STPG2: variants seen among roughly 807,000 people sequenced by gnomAD.
STPG2 encodes the protein sperm-tail PG-rich repeat-containing protein 2.
Under a neutral mutation model 54.2 loss-of-function variants are expected in STPG2, and 56 were observed. The observed-to-expected ratio is 1.03, with a 90% CI of 0.83 to 1.29. The LOEUF is 1.29. STPG2 is among the 50% of genes most tolerant of loss of function. STPG2 has a pLI of 0.00. For synonymous variants in STPG2, 200 were observed against 181.8 expected (o/e 1.10, Z -0.81); for missense variants, 596 against 544.9 (o/e 1.09, Z -0.93).
intron 10 of STPG2, among the ~76,000 whole-genome samples, chr4:97,576,110 G>C (rs1324014636): frequency 6.6e-6 from 1 of 151,988 alleles, no homozygotes; most frequent in Admixed American, 6.6e-5. Flanking sequence ...AGTAATCATA[G>C]ATGATATAAA....
At chr4:98,091,713 AC>A (rs1423131488) in intron 5 of STPG2, among the ~76,000 whole-genome samples, 12 of 47,800 alleles carry the variant, frequency 2.5e-4, no homozygotes, top group South Asian at 1.5e-3. Flanking sequence ...AGTAATAATA[AC>A]TATCATTTAC....
chr4:97,848,897 C>T (rs1028340072), intron 8 of STPG2, among the ~76,000 whole-genome samples: 3 of 150,552 alleles, frequency 2.0e-5, no homozygotes, highest in African/African-American at 7.4e-5. Flanking sequence ...GTTTTGGTTA[C>T]TGTAGCCTTG....
At chr4:97,622,840 G>A (rs1269372736) in intron 10 of STPG2, among the ~76,000 whole-genome samples, 1 of 151,988 alleles carries the variant, frequency 6.6e-6, no homozygotes, top group Non-Finnish European at 1.5e-5. Context: ...AATAAACCTG[G>A]TGGCATCACA....
intron 10 of STPG2, among the ~76,000 whole-genome samples, chr4:97,649,443 TAGTCTTG>T (rs1213050797): frequency 3.9e-5 from 6 of 152,086 alleles, no homozygotes; most frequent in Non-Finnish European, 7.4e-5. Flanking sequence ...GGCAAAAAAA[TAGTCTTG>T]AAGATTTTTT....
At chr4:97,952,797 G>A (rs1427460700) in intron 7 of STPG2, among the ~76,000 whole-genome samples, 1 of 152,182 alleles carries the variant, frequency 6.6e-6, no homozygotes, top group Admixed American at 6.5e-5. Flanking sequence ...AGGACCTCTG[G>A]TTAGCCAGGT....
At chr4:97,492,717 A>T (rs1011829217) in intron 4 of STPG2, among the ~76,000 whole-genome samples, 10 of 151,200 alleles carry the variant, frequency 6.6e-5, no homozygotes, top group African/African-American at 1.9e-4. Context: ...TATTTCCACC[A>T]GAAGAAGAGA....
intron 8 of STPG2, among the ~76,000 whole-genome samples, chr4:97,930,519 T>C (rs1242653176): frequency 6.6e-6 from 1 of 152,176 alleles, no homozygotes; most frequent in African/African-American, 2.4e-5. Context: ...GTCTCTCTTT[T>C]TTGTTCCATT....
At chr4:97,626,479 G>A (rs1336285863) in intron 10 of STPG2, among the ~76,000 whole-genome samples, 1 of 151,972 alleles carries the variant, frequency 6.6e-6, no homozygotes, top group Non-Finnish European at 1.5e-5. Flanking sequence ...TCACCCCTTT[G>A]TACACACATC....
chr4:97,759,463 A>G (rs997486289), intron 9 of STPG2, among the ~76,000 whole-genome samples: 2 of 152,188 alleles, frequency 1.3e-5, no homozygotes, highest in African/African-American at 4.8e-5. Context: ...GGAAGAAAAA[A>G]TAATCCAGGT....
chr4:97,656,007 A>C (rs1348544654), intron 10 of STPG2, among the ~76,000 whole-genome samples: 1 of 152,146 alleles, frequency 6.6e-6, no homozygotes, highest in Admixed American at 6.6e-5. Flanking sequence ...CTTAAAACAT[A>C]TTATGAGATC....
chr4:97,578,920 G>A (rs889117263), intron 10 of STPG2, among the ~76,000 whole-genome samples: 1 of 152,040 alleles, frequency 6.6e-6, no homozygotes, highest in Non-Finnish European at 1.5e-5. Flanking sequence ...AAAAATGTCT[G>A]GGAGCAGAAT....
At chr4:97,496,267 C>T (rs1042769314) in intron 4 of STPG2, among the ~76,000 whole-genome samples, 1 of 151,430 alleles carries the variant, frequency 6.6e-6, no homozygotes, top group Non-Finnish European at 1.5e-5. Flanking sequence ...TGCTTTTTAG[C>T]GATTATAAGT....
intron 9 of STPG2, among the ~76,000 whole-genome samples, chr4:97,740,829 C>G (rs1366561392): frequency 3.3e-5 from 5 of 152,128 alleles, no homozygotes; most frequent in African/African-American, 4.8e-5. Context: ...ATCAAGCTAC[C>G]AATGACTTTC....
intron 4 of STPG2, among the ~76,000 whole-genome samples, chr4:97,478,414 A>C (rs1041955413): frequency 1.3e-5 from 2 of 152,180 alleles, no homozygotes; most frequent in Non-Finnish European, 2.9e-5. Flanking sequence ...TTTCTGATAG[A>C]TTAAAAGGAC....
chr4:98,135,582 A>G (rs912026410), intron 1 of STPG2, among the ~76,000 whole-genome samples: 1 of 151,796 alleles, frequency 6.6e-6, no homozygotes, highest in Non-Finnish European at 1.5e-5. Context: ...ATCAGGAAAA[A>G]CTTCATGGAT....
intron 9 of STPG2, among the ~76,000 whole-genome samples, chr4:97,773,735 T>A (rs1029558162): frequency 2.6e-5 from 4 of 152,208 alleles, no homozygotes; most frequent in African/African-American, 4.8e-5. Flanking sequence ...TATAAACATT[T>A]ATATAATATT....
In STPG2 at chr4:97,861,680, G is replaced by A. The variant is rs562455169; in HGVS notation, c.1045-20748C>T. Among the ~76,000 whole-genome samples, 55 of 152,178 alleles carry A rather than the reference G, an allele frequency of 3.6e-4. 1 individual carries two copies. Among genetic ancestry groups the A allele is most frequent in the African/African-American group, 1.1e-3 (45 of 41,534 alleles). On this transcript the variant is annotated intron_variant, in intron 8 of 10. Transcript: ENST00000295268. ...TTAAGGGCAGCCAGAGAGAAAGGTC[G>A]GGTTACCCACAAAGAGAAGCCCATC...
At position 97,497,487 on chromosome 4, in the gene STPG2, A is replaced by G. The variant is rs181776518; in HGVS notation, c.462+215212T>C. Among the ~76,000 whole-genome samples the G allele has an allele frequency of 3.0e-4, 45 of 151,986 alleles. No individual in the cohort carries two copies. The East Asian group carries it at 7.8e-3, about 26-fold the overall frequency. On this transcript the variant is annotated intron_variant, in intron 4 of 4. Transcript: ENST00000522676. The stretch of plus-strand genomic sequence containing the variant: ...TTCAAATTTTGAGAAATCATCTACC[A>G]ACGGAAATCTCCCAATTAGTAGAGA...
chr4:98,020,053 T>C (rs1736122532), intron 5 of STPG2, among the ~76,000 whole-genome samples: 1 of 121,010 alleles, frequency 8.3e-6, no homozygotes, highest in South Asian at 2.9e-4. Flanking sequence ...TCCAACAGTA[T>C]GTTGAATAGG....
Sources: allele counts gnomAD v4.1 joint callset (sites outside exome capture counted in the v4.1 genomes callset), GRCh38; gene constraint gnomAD v4.1.1; transcripts MANE v1.5; gene names NCBI Gene and HGNC (gene_info 2026-07-23, HGNC 2026-07-21).